The following SRPK2 variants were observed in gnomAD, a reference collection of about 807,000 sequenced individuals.
SRPK2 encodes the protein SRSF protein kinase 2.
SRPK2 carries 21 observed loss-of-function variants against 90.8 expected under a neutral mutation model. The observed-to-expected ratio is 0.23, with a 90% CI of 0.16 to 0.33. The LOEUF is 0.33. Among genes scored for constraint, SRPK2 ranks in the 10% least tolerant of loss-of-function variants. The pLI, the probability that SRPK2 is intolerant of heterozygous loss-of-function variation, is 1.00. For missense variants in SRPK2, 620 were observed against 869.0 expected (o/e 0.71, Z 3.60); for synonymous variants, 288 against 311.1 (o/e 0.93, Z 0.78).
rs1282357163 is a variant in SRPK2, at chr7:105,365,218, C to T, written c.71+23430G>A. Among the ~76,000 whole-genome samples the T allele has an allele frequency of 1.3e-5, 2 of 152,120 alleles. 1 individual carries two copies. Among genetic ancestry groups the T allele is most frequent in the Non-Finnish European group, 2.9e-5 (2 of 68,030 alleles). ...TGGCATTTAGGGCCAGGCACAGTGG[C>T]TCACGCCTGTAATCCCAACAGTTTG... On this transcript the variant is annotated intron_variant, in intron 2 of 15. Coordinates refer to ENST00000393651, the MANE Select transcript of SRPK2 (RefSeq NM_182692.3).
At chr7:105,212,449 G>A (rs1167005110) in intron 2 of SRPK2, among the ~76,000 whole-genome samples, 1 of 152,186 alleles carries the variant, frequency 6.6e-6, no homozygotes, top group African/African-American at 2.4e-5. Context: ...CCAGAATGAG[G>A]CTGACTGCAG....
chr7:105,167,161 T>G (rs966339937), intron 6 of SRPK2, among the ~76,000 whole-genome samples: 1 of 152,124 alleles, frequency 6.6e-6, no homozygotes, highest in Admixed American at 6.5e-5. Context: ...TTAAGTCAAG[T>G]TGTTGTGTTA....
intron 2 of SRPK2, among the ~76,000 whole-genome samples, chr7:105,352,582 CTTG>C (rs1817321326): frequency 6.6e-6 from 1 of 152,228 alleles, no homozygotes; most frequent in Non-Finnish European, 1.5e-5. Context: ...TTCACAGTAA[CTTG>C]TTATGTGGTA....
intron 2 of SRPK2, among the ~76,000 whole-genome samples, chr7:105,237,653 T>A (rs2129621666): frequency 6.6e-6 from 1 of 152,318 alleles, no homozygotes; most frequent in Middle Eastern, 3.4e-3. Context: ...CCATGATACA[T>A]ACTTTAAAAC....
chr7:105,182,231 C>CA (rs368137906), intron 3 of SRPK2, among the ~76,000 whole-genome samples: 23,771 of 65,274 alleles, frequency 0.36, 3,447 homozygotes, highest in East Asian at 0.42. Context: ...GACTCTGTCT[C>CA]AAAAAAAAAA....
intron 2 of SRPK2, among the ~76,000 whole-genome samples, chr7:105,349,174 GGGAGGGGAGGGGAT>G (rs1374684464): frequency 6.8e-6 from 1 of 147,504 alleles, no homozygotes; most frequent in Non-Finnish European, 1.5e-5. Context: ...GGGAGGGGAG[GGGAGGGGAGGGGAT>G]GGAGGGGAGG....
intron 7 of SRPK2, among the ~76,000 whole-genome samples, chr7:105,159,741 G>T (rs1371548338): frequency 3.3e-5 from 5 of 152,106 alleles, no homozygotes; most frequent in Admixed American, 3.3e-4. Flanking sequence ...CTAGCTGAGG[G>T]TTTTCTTCTG....
At chr7:105,323,839 G>A (rs889242202) in intron 2 of SRPK2, among the ~76,000 whole-genome samples, 12 of 152,164 alleles carry the variant, frequency 7.9e-5, no homozygotes, top group African/African-American at 2.9e-4. Context: ...AGCTAACTGG[G>A]TGAAAAAATT....
chr7:105,303,034 G>A (rs532821268), intron 2 of SRPK2, among the ~76,000 whole-genome samples: 5 of 151,988 alleles, frequency 3.3e-5, no homozygotes, highest in Admixed American at 6.6e-5. Flanking sequence ...AGTTTGCGCC[G>A]CTGCACTCCA....
chr7:105,132,423 T>C (rs1220459843), intron 13 of SRPK2, among the ~76,000 whole-genome samples: 1 of 152,168 alleles, frequency 6.6e-6, no homozygotes, highest in African/African-American at 2.4e-5. Context: ...TACCTCATCT[T>C]CCTCCACAGT....
At chr7:105,381,442 T>C (rs1158085753) in intron 2 of SRPK2, among the ~76,000 whole-genome samples, 1 of 151,996 alleles carries the variant, frequency 6.6e-6, no homozygotes, top group Non-Finnish European at 1.5e-5. Flanking sequence ...CAGTCCAGCC[T>C]GGGCAACAGA....
intron 2 of SRPK2, among the ~76,000 whole-genome samples, chr7:105,257,975 C>T (rs531752642): frequency 3.3e-5 from 5 of 151,990 alleles, no homozygotes; most frequent in African/African-American, 1.2e-4. Flanking sequence ...GGCGTGGTGG[C>T]ACGCGCCTGT....
chr7:105,315,872 A>C (rs935629985), intron 2 of SRPK2, among the ~76,000 whole-genome samples: 7 of 152,140 alleles, frequency 4.6e-5, no homozygotes, highest in Admixed American at 2.0e-4. Context: ...CTGAGATTCT[A>C]TGATGGTTTT....
At chr7:105,228,647 C>A (rs1351717908) in intron 2 of SRPK2, among the ~76,000 whole-genome samples, 1 of 152,166 alleles carries the variant, frequency 6.6e-6, no homozygotes, top group Non-Finnish European at 1.5e-5. Flanking sequence ...TCTCAGGCCT[C>A]GGGGTCACGG....
At chr7:105,395,437 A>G (rs1447743967) in intron 1 of SRPK2, among the ~76,000 whole-genome samples, 1 of 151,594 alleles carries the variant, frequency 6.6e-6, no homozygotes, top group Non-Finnish European at 1.5e-5. Flanking sequence ...TGAATTAAAG[A>G]ACTTAAAGCT....
At chr7:105,171,015 G>GAGGAAGAGAGGA (rs1791054533) in intron 3 of SRPK2, among the ~76,000 whole-genome samples, 1 of 107,544 alleles carries the variant, frequency 9.3e-6, no homozygotes, top group Admixed American at 1.0e-4. Context: ...GAAAGAAAGA[G>GAGGAAGAGAGGA]AGGAAGGAAG....
intron 2 of SRPK2, chr7:105,297,400 A>C (rs1809963667): frequency 1.1e-6 from 1 of 929,914 alleles, no homozygotes. Context: ...CGTTTTCACT[A>C]TAAATTGTAC....
intron 2 of SRPK2, among the ~76,000 whole-genome samples, chr7:105,356,137 C>G (rs891127789): frequency 6.6e-6 from 1 of 152,178 alleles, no homozygotes; most frequent in East Asian, 1.9e-4. Flanking sequence ...TTTTCAGGAT[C>G]TGCATGGTGA....
intron 2 of SRPK2, among the ~76,000 whole-genome samples, chr7:105,240,579 A>G (rs1800678164): frequency 6.6e-6 from 1 of 152,066 alleles, no homozygotes; most frequent in Admixed American, 6.6e-5. Context: ...GGGGCAGTGG[A>G]GGAGGAGAAG....
Sources: gnomAD v4.1 joint callset for allele counts (sites outside exome capture counted in the v4.1 genomes callset) on GRCh38, gnomAD v4.1.1 for gene constraint, MANE v1.5 for transcripts, NCBI Gene and HGNC (gene_info 2026-07-23, HGNC 2026-07-21) for gene names.